MAP3K15: variants seen among roughly 807,000 people sequenced by gnomAD.
The protein encoded by MAP3K15 is mitogen-activated protein kinase kinase kinase 15.
MAP3K15 carries 124 observed loss-of-function variants against 99.5 expected under a neutral mutation model. The observed-to-expected ratio is 1.25, with a 90% CI of 1.08 to 1.45. The LOEUF is 1.45. MAP3K15 is among the 40% of genes most tolerant of loss of function. MAP3K15 has a pLI of 0.00. For synonymous variants in MAP3K15, 494 were observed against 439.6 expected (o/e 1.12, Z -1.55); for missense variants, 1,242 against 1,079.7 (o/e 1.15, Z -2.11).
At chrX:19,400,783 A>G (rs1164335193) in intron 13 of MAP3K15, 120 bp from the exon 14 acceptor site, 1 of 467,823 alleles carries the variant, frequency 2.1e-6, no homozygotes, top group Admixed American at 3.3e-5. Flanking sequence ...GTCATGGAAC[A>G]ATCGATCCCC....
intron 3 of MAP3K15, among the ~76,000 whole-genome samples, chrX:19,485,379 GACA>G (rs2064317461): frequency 1.0e-5 from 1 of 99,203 alleles, no homozygotes; most frequent in Non-Finnish European, 2.0e-5. Flanking sequence ...CTTACAAGTG[GACA>G]ACATCAGCAT....
chrX:19,440,912 G>A lies in MAP3K15; in HGVS notation c.996-9304C>T, dbSNP rs183213798. On this transcript the variant is annotated intron_variant, in intron 6 of 28. Coordinates refer to ENST00000338883, the MANE Select transcript of MAP3K15 (RefSeq NM_001001671.4). ...AGATTAGGACACGAGACTGACTTGTGGCCGATGAAACATGGAAAGAAGTAA... is the reference window on the plus strand; with the variant it reads ...AGATTAGGACACGAGACTGACTTGTAGCCGATGAAACATGGAAAGAAGTAA... 3.6e-5 allele frequency among the ~76,000 whole-genome samples: 4 copies of A among 112,376 alleles called. No individual in the cohort carries two copies. In the East Asian group the frequency reaches 1.1e-3, roughly 31 times the overall value.
chrX:19,417,819 G>A (rs951800730), intron 9 of MAP3K15, among the ~76,000 whole-genome samples: 7 of 111,769 alleles, frequency 6.3e-5, no homozygotes, highest in African/African-American at 1.6e-4. Context: ...CACCTCACAC[G>A]GCTGGGTACT....
chrX:19,482,603 A>G lies in MAP3K15; in HGVS notation c.525+3879T>C, dbSNP rs1009032587. Among the ~76,000 whole-genome samples, 49 of 112,060 alleles carry G rather than the reference A, an allele frequency of 4.4e-4. 1 individual carries two copies. Among genetic ancestry groups the G allele is most frequent in the Middle Eastern group, 4.6e-3 (1 of 217 alleles). On this transcript the variant is annotated intron_variant, in intron 3 of 28. Coordinates refer to ENST00000338883, the MANE Select transcript of MAP3K15 (RefSeq NM_001001671.4). ...CTTGCCTGGGGCTGGGTGTGGGAAG[A>G]GAGATTGTCTGCAAATAAGCATTTT...
intron 6 of MAP3K15, among the ~76,000 whole-genome samples, chrX:19,454,680 C>A (rs1447605594): frequency 8.9e-6 from 1 of 112,008 alleles, no homozygotes; most frequent in Admixed American, 9.5e-5. Flanking sequence ...CAGGAAAACT[C>A]ATTTCTTGTC....
rs919616845 is a variant in MAP3K15 at position 19,360,514 on chromosome X, T to G, written c.*235A>C. 9.9e-6 allele frequency: 3 copies of G among 304,491 alleles called. No homozygotes were observed. Among genetic ancestry groups the G allele is most frequent in the Non-Finnish European group, 1.7e-5 (3 of 174,014 alleles). The allele number at this position is 304,491 out of a possible 1,213,427, so 25.1% of individuals were successfully genotyped here. ...GGACTACAAGTGAATTTCCTAATAT[T>G]CCGGGAGGTCAAAACCAAGGCTCAC... is the stretch of plus-strand genomic sequence containing the variant. On this transcript the variant is annotated 3_prime_UTR_variant, in exon 29 of 29. Transcript: ENST00000338883.
intron 1 of MAP3K15, chrX:19,497,122 G>A (rs1382690473): frequency 4.5e-5 from 5 of 110,151 alleles, no homozygotes; most frequent in Non-Finnish European, 9.5e-5. Flanking sequence ...GCAATGATAA[G>A]CACATTGGAT....
At chrX:19,370,464 C>T (rs1203887036) in intron 24 of MAP3K15, among the ~76,000 whole-genome samples, 1 of 110,454 alleles carries the variant, frequency 9.1e-6, no homozygotes, top group African/African-American at 3.3e-5. Context: ...GGCGTGATCT[C>T]GGCTCACTGC....
intron 13 of MAP3K15, among the ~76,000 whole-genome samples, chrX:19,402,903 C>T (rs2063619163): frequency 9.0e-6 from 1 of 111,498 alleles, no homozygotes; most frequent in African/African-American, 3.3e-5. Flanking sequence ...TGGGATCAAC[C>T]GATCCTCCTG....
intron 21 of MAP3K15, 68 bp from the exon 22 acceptor site, chrX:19,372,895 A>G (rs1337728337): frequency 5.6e-6 from 6 of 1,077,812 alleles, no homozygotes; most frequent in Non-Finnish European, 7.6e-6. Flanking sequence ...GTGTCATGTT[A>G]GGACGCCCTG....
chrX:19,397,368 C>A (rs1283883024), intron 15 of MAP3K15, among the ~76,000 whole-genome samples: 3 of 111,944 alleles, frequency 2.7e-5, no homozygotes, highest in African/African-American at 9.7e-5. Flanking sequence ...TAATTTTCCA[C>A]AATGATGCAT....
chrX:19,431,767 G>A (rs780047638), intron 6 of MAP3K15, among the ~76,000 whole-genome samples, 159 bp from the exon 7 acceptor site: 23 of 110,997 alleles, frequency 2.1e-4, no homozygotes, highest in Non-Finnish European at 3.4e-4. Flanking sequence ...CCAACATGGT[G>A]AAAACCTGTC....
intron 9 of MAP3K15, among the ~76,000 whole-genome samples, chrX:19,422,583 C>G (rs926968563): frequency 2.7e-5 from 3 of 111,845 alleles, no homozygotes; most frequent in Non-Finnish European, 5.6e-5. Flanking sequence ...GTTGGTGGGA[C>G]TGTAAACTAA....
At chrX:19,435,202 T>G (rs959639089) in intron 6 of MAP3K15, among the ~76,000 whole-genome samples, 2 of 111,130 alleles carry the variant, frequency 1.8e-5, no homozygotes, top group Non-Finnish European at 3.8e-5. Flanking sequence ...CTGAAAAGAA[T>G]GTACTAAACT....
rs2064552954 is a variant in MAP3K15 at position 19,515,067 on chromosome X, GTA to G, written c.193_194del (p.Tyr65ArgfsTer4). On this transcript the variant is annotated frameshift_variant, in exon 1 of 29. Transcript: ENST00000338883. LOFTEE classifies it high-confidence loss of function. ...GGPRRALRAV[Y>X]VRSESSQGGA... ...CGCCCTGGGAGCTCTCACTGCGCAC[GTA>G]TACTGCCCGCAGAGCCCGCCGCGGC... The G allele has an allele frequency of 7.4e-6, 7 of 950,017 alleles. No homozygotes were observed. Among genetic ancestry groups the G allele is most frequent in the Non-Finnish European group, 9.6e-6 (7 of 730,598 alleles). The allele number at this position is 950,017 out of a possible 1,213,427, so 78.3% of individuals were successfully genotyped here.
chrX:19,412,190 C>T (rs2063694273), intron 11 of MAP3K15, among the ~76,000 whole-genome samples: 1 of 112,132 alleles, frequency 8.9e-6, no homozygotes, highest in Non-Finnish European at 1.9e-5. Flanking sequence ...AAGACTTCCC[C>T]AATGGCAGGT....
chrX:19,410,581 C>G (rs768331486), intron 11 of MAP3K15, among the ~76,000 whole-genome samples: 1 of 111,866 alleles, frequency 8.9e-6, no homozygotes, highest in Non-Finnish European at 1.9e-5. Flanking sequence ...TGCCCCCCAC[C>G]GCCACCCTCT....
chrX:19,410,112 G>A (rs2063676101), intron 11 of MAP3K15, 139 bp from the exon 12 acceptor site: 1 of 428,048 alleles, frequency 2.3e-6, no homozygotes, highest in Non-Finnish European at 4.0e-6. Flanking sequence ...AATACACCTT[G>A]TATAACATGG....
chrX:19,496,423 C>A (rs2064402882), intron 1 of MAP3K15: 1 of 111,299 alleles, frequency 9.0e-6, no homozygotes, highest in Admixed American at 9.6e-5. Flanking sequence ...CTTTCCTCAA[C>A]CCTTTTCTAA....
Sources: gnomAD v4.1 joint callset for allele counts (sites outside exome capture counted in the v4.1 genomes callset) on GRCh38, gnomAD v4.1.1 for gene constraint, MANE v1.5 for transcripts, NCBI Gene and HGNC (gene_info 2026-07-23, HGNC 2026-07-21) for gene names.